NCKAP5: variants seen among roughly 807,000 people sequenced by gnomAD.
NCKAP5 encodes nck-associated protein 5.
NCKAP5 carries 92 observed loss-of-function variants against 167.0 expected under a neutral mutation model. That is an observed-to-expected ratio of 0.55 (90% CI 0.47 to 0.66). The LOEUF (loss-of-function observed/expected upper bound fraction) is 0.66. Among genes scored for constraint, NCKAP5 ranks in the 30% least tolerant of loss-of-function variants. NCKAP5 has a pLI of 0.00. For synonymous variants in NCKAP5, 891 were observed against 877.4 expected, an observed-to-expected ratio of 1.02 and a Z score of -0.27; for missense variants, 2,378 against 2,315.0, an observed-to-expected ratio of 1.03 and a Z score of -0.56.
intron 7 of NCKAP5, among the ~76,000 whole-genome samples, chr2:132,985,781 G>A (rs2077271361): frequency 6.6e-6 from 1 of 152,044 alleles, no homozygotes; most frequent in African/African-American, 2.4e-5. Context: ...GCAGCTATTC[G>A]AAGTTCATAA....
chr2:133,622,162 A>G, the NCKAP5 span, among the ~76,000 whole-genome samples: 1 of 152,158 alleles, frequency 6.6e-6, no homozygotes, highest in Non-Finnish European at 1.5e-5. Context: ...TCTATGATAG[A>G]CCCACAGCCA....
At chr2:133,634,223 A>G in the NCKAP5 span, among the ~76,000 whole-genome samples, 1 of 152,166 alleles carries the variant, frequency 6.6e-6, no homozygotes, top group Non-Finnish European at 1.5e-5. Flanking sequence ...GGCGCTAACT[A>G]AGGTGGTGAT....
At chr2:132,698,189 T>A (rs72844754) in intron 19 of NCKAP5, among the ~76,000 whole-genome samples, 9,361 of 152,242 alleles carry the variant, frequency 0.061, 337 homozygotes, top group East Asian at 0.12. Context: ...ATCTGATGGT[T>A]TTTTTGGTGT....
rs2084535254 is a variant in NCKAP5, at chr2:133,177,795, G to A, written c.207+35921C>T. 2.6e-5 allele frequency among the ~76,000 whole-genome samples: 4 copies of A among 152,136 alleles called. No individual in the cohort carries two copies. In the South Asian group the frequency reaches 8.3e-4, roughly 31 times the overall value. On this transcript the variant is annotated intron_variant, in intron 5 of 19. Coordinates refer to ENST00000409261, the MANE Select transcript of NCKAP5 (RefSeq NM_207363.3). ...TGAGCTCCCCATCCCCACAATGTAA[G>A]TGGAGACCACCTGGGAAGTCTGGAC...
chr2:133,590,640 T>C, the NCKAP5 span, among the ~76,000 whole-genome samples: 1 of 151,584 alleles, frequency 6.6e-6, no homozygotes, highest in Non-Finnish European at 1.5e-5. Flanking sequence ...AAAGTAGAAA[T>C]TCCCAAAGGA....
chr2:133,229,467 T>C (rs1267291285), intron 4 of NCKAP5, among the ~76,000 whole-genome samples: 1 of 152,202 alleles, frequency 6.6e-6, no homozygotes, highest in African/African-American at 2.4e-5. Context: ...AGCACAGTCT[T>C]TGAACATATT....
intron 5 of NCKAP5, among the ~76,000 whole-genome samples, chr2:133,163,860 T>C (rs2083897089): frequency 6.6e-6 from 1 of 152,214 alleles, no homozygotes; most frequent in Non-Finnish European, 1.5e-5. Context: ...TTCCTGTTAT[T>C]TGGAGCCAGT....
At chr2:133,248,257 T>C (rs978211331) in intron 4 of NCKAP5, among the ~76,000 whole-genome samples, 1 of 152,036 alleles carries the variant, frequency 6.6e-6, no homozygotes, top group African/African-American at 2.4e-5. Flanking sequence ...TTTGGGACTA[T>C]TTATTCCTAA....
Position 133,180,180 on chromosome 2 carries a change from A to T in NCKAP5, c.207+33536T>A, listed in dbSNP as rs191645751. On this transcript the variant is annotated intron_variant, in intron 5 of 19. Transcript: ENST00000409261. The stretch of plus-strand genomic sequence containing the variant: ...CACACCATTTTTCAAATGCTGAAAA[A>T]AAAAGAATGCCAATCCCAGAATCCT... Among the ~76,000 whole-genome samples the T allele has an allele frequency of 2.1e-3, 324 of 152,276 alleles. 1 individual carries two copies. Among genetic ancestry groups the T allele is most frequent in the Middle Eastern group, 3.4e-3 (1 of 294 alleles).
At chr2:133,666,557 C>T in the NCKAP5 span, among the ~76,000 whole-genome samples, 1 of 151,854 alleles carries the variant, frequency 6.6e-6, no homozygotes, top group Non-Finnish European at 1.5e-5. Flanking sequence ...TTAACAGTCA[C>T]CTACTGATGG....
chr2:133,508,590 G>C (rs1683222647), intron 3 of NCKAP5, among the ~76,000 whole-genome samples: 1 of 152,218 alleles, frequency 6.6e-6, no homozygotes, highest in African/African-American at 2.4e-5. Context: ...TCTTATCAGA[G>C]AGAACACCCA....
chr2:132,764,781 A>T (rs755243311), intron 16 of NCKAP5, among the ~76,000 whole-genome samples: 1 of 152,256 alleles, frequency 6.6e-6, no homozygotes, highest in Non-Finnish European at 1.5e-5. Flanking sequence ...GTGTTAGCAC[A>T]CTATTCAAAA....
the NCKAP5 span, among the ~76,000 whole-genome samples, chr2:133,632,996 A>G: frequency 6.6e-6 from 1 of 152,174 alleles, no homozygotes; most frequent in Non-Finnish European, 1.5e-5. Flanking sequence ...GGCCCAGAGC[A>G]CCTGCCTTTT....
At chr2:132,810,895 G>A (rs1173666936) in intron 11 of NCKAP5, among the ~76,000 whole-genome samples, 1 of 152,074 alleles carries the variant, frequency 6.6e-6, no homozygotes, top group African/African-American at 2.4e-5. Flanking sequence ...TTTTCATTTG[G>A]GTGGGCTCTG....
At chr2:133,488,423 G>T (rs1349733997) in intron 3 of NCKAP5, among the ~76,000 whole-genome samples, 2 of 152,160 alleles carry the variant, frequency 1.3e-5, no homozygotes, top group African/African-American at 4.8e-5. Context: ...AATCCCTAAT[G>T]TAGACCAATT....
rs184623768 is a variant in NCKAP5, at chr2:133,529,272, G to A, written c.-61-11685C>T. ...ACTCTCCCTCTTTCTACTCTTCTCC[G>A]CAGAGATGCTTTTAACAGTTTTTCT... On this transcript the variant is annotated intron_variant, in intron 2 of 19. Transcript: ENST00000409261. Among the ~76,000 whole-genome samples, 208 of 151,892 alleles carry A rather than the reference G, an allele frequency of 1.4e-3. 1 individual carries two copies. Among genetic ancestry groups the A allele is most frequent in the African/African-American group, 4.6e-3 (191 of 41,408 alleles).
intron 8 of NCKAP5, among the ~76,000 whole-genome samples, chr2:132,962,705 C>A (rs1286716559): frequency 6.6e-6 from 1 of 152,182 alleles, no homozygotes; most frequent in Non-Finnish European, 1.5e-5. Context: ...ATTCTCCTGC[C>A]TCAGCCTCCT....
Position 133,252,205 on chromosome 2 carries a change from T to G in NCKAP5, c.144-38426A>C, listed in dbSNP as rs181201820. Among the ~76,000 whole-genome samples, 304 of 152,260 alleles carry G rather than the reference T, an allele frequency of 2.0e-3. 1 individual carries two copies. The highest frequency in any genetic ancestry group is 4.9e-3 in the Admixed American group (75 of 15,302). On this transcript the variant is annotated intron_variant, in intron 4 of 19. Transcript: ENST00000409261. ...AAACAAGAGAACAGAAGCTTGGTTT[T>G]CAGATGGGAGAGGTGCTTATTATCA... is the stretch of plus-strand genomic sequence containing the variant.
the NCKAP5 span, among the ~76,000 whole-genome samples, chr2:133,582,015 A>T: frequency 6.6e-6 from 1 of 152,100 alleles, no homozygotes; most frequent in Non-Finnish European, 1.5e-5. Context: ...CGTCCTGGAG[A>T]AAAAAATTAA....
Sources: gnomAD v4.1 joint callset for allele counts (sites outside exome capture counted in the v4.1 genomes callset) on GRCh38, gnomAD v4.1.1 for gene constraint, MANE v1.5 for transcripts, NCBI Gene and HGNC (gene_info 2026-07-23, HGNC 2026-07-21) for gene names.